TMEM117: variants seen among roughly 807,000 people sequenced by gnomAD.
TMEM117 encodes the protein transmembrane protein 117.
TMEM117 carries 27 observed loss-of-function variants against 52.4 expected under a neutral mutation model. That is an observed-to-expected ratio of 0.51 (90% CI 0.38 to 0.71). The LOEUF (loss-of-function observed/expected upper bound fraction) is 0.71, where lower values mean the gene tolerates loss of function less well. TMEM117 is among the 30% of genes least tolerant of loss of function. TMEM117 has a pLI of 0.00. For synonymous variants in TMEM117, 215 were observed against 206.3 expected (o/e 1.04, Z -0.36); for missense variants, 556 against 630.5 (o/e 0.88, Z 1.26).
Position 44,211,403 on chromosome 12 carries a change from A to C in TMEM117, c.608+16A>C. 6.4e-7 allele frequency: 1 copy of C among 1,564,886 alleles called. No individual in the cohort carries two copies. The highest frequency in any genetic ancestry group is 8.8e-7 in the Non-Finnish European group (1 of 1,142,836). ...CTTTATTCTGGTAGGAAATTGTTTC[A>C]CTTATTTATTTCTGCCTTGCCTCAT... On this transcript the variant is annotated intron_variant, in intron 5 of 7. Coordinates refer to ENST00000266534, the MANE Select transcript of TMEM117 (RefSeq NM_032256.3).
the TMEM117 span, among the ~76,000 whole-genome samples, chr12:43,807,021 A>T: frequency 1.3e-5 from 2 of 152,192 alleles, no homozygotes; most frequent in Non-Finnish European, 2.9e-5. Flanking sequence ...ATTCACTTGG[A>T]CAGATTTGTA....
chr12:43,894,568 T>C (rs1592340726), intron 2 of TMEM117, among the ~76,000 whole-genome samples: 2 of 151,250 alleles, frequency 1.3e-5, no homozygotes, highest in South Asian at 4.2e-4. Context: ...CACCCTCCAA[T>C]AGGCCCCAGT....
intron 3 of TMEM117, among the ~76,000 whole-genome samples, chr12:44,081,969 G>T (rs1468217990): frequency 6.6e-6 from 1 of 151,520 alleles, no homozygotes; most frequent in African/African-American, 2.4e-5. Context: ...GAACAGACAG[G>T]TATAACAGAA....
At chr12:43,988,643 G>A (rs1015157558) in intron 3 of TMEM117, among the ~76,000 whole-genome samples, 14 of 152,010 alleles carry the variant, frequency 9.2e-5, no homozygotes, top group Admixed American at 6.6e-5. Context: ...GTCAGTAAGA[G>A]TTTTGTGGGT....
chr12:44,125,228 C>T (rs993920388), intron 3 of TMEM117, among the ~76,000 whole-genome samples: 2 of 152,162 alleles, frequency 1.3e-5, no homozygotes, highest in African/African-American at 2.4e-5. Context: ...CCTCAGCCTC[C>T]GGAGTACCTG....
intron 2 of TMEM117, among the ~76,000 whole-genome samples, chr12:43,883,378 C>T (rs1943931605): frequency 6.6e-6 from 1 of 152,164 alleles, no homozygotes; most frequent in African/African-American, 2.4e-5. Context: ...TTCATCACCG[C>T]ATTTCATATA....
chr12:44,370,420 T>A (rs879539436), intron 6 of TMEM117, among the ~76,000 whole-genome samples: 11 of 152,132 alleles, frequency 7.2e-5, no homozygotes, highest in African/African-American at 1.2e-4. Flanking sequence ...GTATAACGTT[T>A]ATTTACAAAA....
intron 2 of TMEM117, among the ~76,000 whole-genome samples, chr12:43,889,947 A>T (rs1188928169): frequency 6.6e-6 from 1 of 152,178 alleles, no homozygotes; most frequent in African/African-American, 2.4e-5. Flanking sequence ...GGTCCCTATG[A>T]GCACCACACA....
At chr12:44,236,187 T>TATAG (rs952154161) in intron 5 of TMEM117, among the ~76,000 whole-genome samples, 11 of 141,490 alleles carry the variant, frequency 7.8e-5, no homozygotes, top group Admixed American at 1.4e-4. Context: ...TATATATATA[T>TATAG]AGAGAGAGAG....
At chr12:44,336,167 A>C (rs1285314659) in intron 6 of TMEM117, among the ~76,000 whole-genome samples, 1 of 152,014 alleles carries the variant, frequency 6.6e-6, no homozygotes, top group African/African-American at 2.4e-5. Context: ...GACAGATTCT[A>C]AAGTCAGCTT....
chr12:43,871,499 C>CT (rs1943704628), intron 2 of TMEM117, among the ~76,000 whole-genome samples: 1 of 152,078 alleles, frequency 6.6e-6, no homozygotes, highest in South Asian at 2.1e-4. Flanking sequence ...TGATCTTGAG[C>CT]TTTTTTCCTG....
chr12:44,231,364 TA>T (rs1163571536), intron 5 of TMEM117, among the ~76,000 whole-genome samples: 7 of 151,824 alleles, frequency 4.6e-5, no homozygotes, highest in Non-Finnish European at 1.0e-4. Flanking sequence ...ACATAGCCTT[TA>T]AAAAAATCCA....
At chr12:43,946,391 T>G (rs866965175) in intron 3 of TMEM117, among the ~76,000 whole-genome samples, 5,002 of 24,898 alleles carry the variant, frequency 0.2, 284 homozygotes, top group African/African-American at 0.29. Context: ...TTTTTTTTTT[T>G]TTTGTTTGTT....
At chr12:43,858,936 A>G (rs956641889) in intron 2 of TMEM117, among the ~76,000 whole-genome samples, 5 of 152,204 alleles carry the variant, frequency 3.3e-5, no homozygotes, top group African/African-American at 1.2e-4. Context: ...GATAATTGCC[A>G]GCACTGCAGT....
chr12:43,806,686 T>C, the TMEM117 span, among the ~76,000 whole-genome samples: 1 of 152,208 alleles, frequency 6.6e-6, no homozygotes, highest in Non-Finnish European at 1.5e-5. Context: ...ATGTGCACAT[T>C]ATTTTTCTTG....
intron 2 of TMEM117, among the ~76,000 whole-genome samples, chr12:43,851,017 CT>C (rs1483463234): frequency 1.3e-5 from 2 of 151,914 alleles, no homozygotes; most frequent in Non-Finnish European, 2.9e-5. Flanking sequence ...TAAACAGCTT[CT>C]TTTTTTTATA....
rs1205396519 is a variant in TMEM117 at position 43,969,038 on chromosome 12, GT to G, written c.410+24700del. ...AAATATAAAAAGATATAATAAAACT[GT>G]TTTGGCTGGTAATGTCACAGTATCA... On this transcript the variant is annotated intron_variant, in intron 3 of 7. Transcript: ENST00000266534. Among the ~76,000 whole-genome samples the G allele has an allele frequency of 5.3e-5, 8 of 151,930 alleles. No homozygotes were observed. The East Asian group carries it at 1.2e-3, about 22-fold the overall frequency.
In TMEM117 at chr12:44,065,375, G is replaced by A. The variant is rs545634155; in HGVS notation, c.411-78150G>A. Among the ~76,000 whole-genome samples the A allele has an allele frequency of 6.5e-3, 983 of 152,030 alleles. 8 individuals carry two copies. Among genetic ancestry groups the A allele is most frequent in the African/African-American group, 0.023 (934 of 41,450 alleles). ...TGCACTCCAGCCTGGGCTACAGAGCGAGACTCTGTCTCAAATAAAAAGAAA... is the reference window on the plus strand; with the variant it reads ...TGCACTCCAGCCTGGGCTACAGAGCAAGACTCTGTCTCAAATAAAAAGAAA... On this transcript the variant is annotated intron_variant, in intron 3 of 7. Transcript: ENST00000266534.
chr12:43,922,316 T>TA (rs1944708562), intron 2 of TMEM117, among the ~76,000 whole-genome samples: 1 of 152,218 alleles, frequency 6.6e-6, no homozygotes, highest in Admixed American at 6.5e-5. Flanking sequence ...TCTAGGTTTT[T>TA]AAAAATTGAA....
Sources: allele counts gnomAD v4.1 joint callset (sites outside exome capture counted in the v4.1 genomes callset), GRCh38; gene constraint gnomAD v4.1.1; transcripts MANE v1.5; gene names NCBI Gene and HGNC (gene_info 2026-07-23, HGNC 2026-07-21).